VARS1: variants seen among roughly 807,000 people sequenced by gnomAD.
VARS1 encodes the protein valine--tRNA ligase.
A neutral mutation model predicts 161.0 loss-of-function variants in VARS1; 92 were observed. The observed-to-expected ratio is 0.57, with a 90% CI of 0.48 to 0.68. VARS1 has a LOEUF of 0.68. VARS1 is among the 30% of genes least tolerant of loss of function. The probability of loss-of-function intolerance (pLI) is 0.00; values close to 1 mark genes in which losing one functional copy is unlikely to be tolerated. For missense variants in VARS1, 1,338 were observed against 1,695.9 expected (o/e 0.79, Z 3.71); for synonymous variants, 595 against 682.5 (o/e 0.87, Z 2.00).
At chr6:31,783,661 T>TA (rs1346307017) in intron 13 of VARS1, among the ~76,000 whole-genome samples, 5 of 105,606 alleles carry the variant, frequency 4.7e-5, no homozygotes, top group African/African-American at 2.1e-4. Flanking sequence ...TGTCTCTATT[T>TA]AACTTTTTTT....
At chr6:31,783,680 G>A (rs1183585916) in intron 13 of VARS1, among the ~76,000 whole-genome samples, 14 of 57,064 alleles carry the variant, frequency 2.5e-4, no homozygotes, top group Middle Eastern at 8.5e-3. Context: ...TTTTTTTTTT[G>A]AGACGGAGTC....
At position 31,779,565 on chromosome 6, in the gene VARS1, C is replaced by G; in HGVS notation, c.3289-29G>C. On this transcript the variant is annotated intron_variant, in intron 27 of 29. Coordinates refer to ENST00000375663, the MANE Select transcript of VARS1 (RefSeq NM_006295.3). The surrounding 1 kb of genome is among the most constrained non-coding windows in gnomAD (Gnocchi z 9.1). ...TGGGGTGGAGGAGGGGGTGAGGGGG[C>G]CTGGAGGGCAGGTCAGACTCCCCTC... 6.2e-7 allele frequency: 1 copy of G among 1,611,554 alleles called. No individual in the cohort carries two copies. Among genetic ancestry groups the G allele is most frequent in the Non-Finnish European group, 8.5e-7 (1 of 1,179,160 alleles).
intron 2 of VARS1, 36 bp downstream of exon 2, chr6:31,794,795 T>C: frequency 6.6e-7 from 1 of 1,511,008 alleles, no homozygotes; most frequent in Non-Finnish European, 8.9e-7. Context: ...CTCCTCTGAA[T>C]TTCTCCCCTC....
In VARS1 at chr6:31,782,002, AC is replaced by A. The variant is rs1479300188; in HGVS notation, c.2242-51del. Reference sequence around the variant, plus strand: ...AAGGGGGTGTGTCTGCTTCTGGCTCACCCTGCCCCTCCCCCCACCAAGGACC... The same window carrying A: ...AAGGGGGTGTGTCTGCTTCTGGCTCACCTGCCCCTCCCCCCACCAAGGACC... On this transcript the variant is annotated intron_variant, in intron 18 of 29. Transcript: ENST00000375663. This position sits in a 1 kb window ranked among gnomAD's most constrained non-coding sequence, Gnocchi z 8.3. 6.2e-7 allele frequency: 1 copy of A among 1,612,308 alleles called. No homozygotes were observed. Among genetic ancestry groups the A allele is most frequent in the African/African-American group, 1.3e-5 (1 of 74,820 alleles).
chr6:31,794,681 GC>G, intron 2 of VARS1, 149 bp downstream of exon 2: 1 of 1,123,344 alleles, frequency 8.9e-7, no homozygotes. Context: ...TATGAAACGT[GC>G]CCAGGGTTAC....
intron 8 of VARS1, among the ~76,000 whole-genome samples, chr6:31,787,560 G>A (rs913408843): frequency 2.0e-5 from 3 of 151,930 alleles, no homozygotes; most frequent in African/African-American, 4.8e-5. Flanking sequence ...CACAAGAATC[G>A]CTTGAACCCA....
Position 31,792,385 on chromosome 6 carries a change from GC to G in VARS1, c.786+6del. 6.2e-7 allele frequency: 1 copy of G among 1,613,718 alleles called. No individual in the cohort carries two copies. Among genetic ancestry groups the G allele is most frequent in the Non-Finnish European group, 8.5e-7 (1 of 1,179,946 alleles). On this transcript the variant is annotated splice_donor_region_variant and intron_variant, in intron 5 of 29. Coordinates refer to ENST00000375663, the MANE Select transcript of VARS1 (RefSeq NM_006295.3). ...CAACTTTCCTTCCAGCTCCACCCTC[GC>G]CTCACCTCCCCTGGAGGTGGCTGCT... is the stretch of plus-strand genomic sequence containing the variant.
At chr6:31,793,189 A>T in intron 2 of VARS1, 69 bp from the exon 3 acceptor site, 1 of 1,519,214 alleles carries the variant, frequency 6.6e-7, no homozygotes, top group Non-Finnish European at 8.7e-7. Context: ...AACCCAATCC[A>T]TGTGGCCTCC....
At position 31,778,688 on chromosome 6, in the gene VARS1, T is replaced by C; in HGVS notation, c.3726+279A>G. On this transcript the variant is annotated intron_variant, in intron 29 of 29. Transcript: ENST00000375663. This position sits in a 1 kb window ranked among gnomAD's most constrained non-coding sequence, Gnocchi z 5.1. ...CTATGGCCAGCTAATTTTTGTATTTTTGTTGTAGAGATGGGATTTCACCAT... is the reference window on the plus strand; with the variant it reads ...CTATGGCCAGCTAATTTTTGTATTTCTGTTGTAGAGATGGGATTTCACCAT... 1.9e-6 allele frequency: 1 copy of C among 521,100 alleles called. No individual in the cohort carries two copies. Among genetic ancestry groups the C allele is most frequent in the Non-Finnish European group, 3.4e-6 (1 of 294,348 alleles). 32.3% of individuals were successfully genotyped at this position (521,100 alleles called of 1,614,324 possible).
At chr6:31,793,207 CCA>C in intron 2 of VARS1, 87 bp from the exon 3 acceptor site, 1 of 1,480,796 alleles carries the variant, frequency 6.8e-7, no homozygotes, top group East Asian at 2.3e-5. Context: ...TCCCTCCACC[CCA>C]CTCTCACAAA....
chr6:31,785,484 C>T lies in VARS1; in HGVS notation c.1265+85G>A. 6.6e-7 allele frequency: 1 copy of T among 1,525,696 alleles called. No individual in the cohort carries two copies. 94.5% of individuals were successfully genotyped at this position (1,525,696 alleles called of 1,614,324 possible). On this transcript the variant is annotated intron_variant, in intron 9 of 29. Coordinates refer to ENST00000375663, the MANE Select transcript of VARS1 (RefSeq NM_006295.3). This position sits in a 1 kb window ranked among gnomAD's most constrained non-coding sequence, Gnocchi z 6.1. ...TCTGTGGGAGGGTCTGACCCTGTGG[C>T]CAAGGGGTTACAGGTGACAGAGGTC...
At position 31,784,402 on chromosome 6, in the gene VARS1, T is replaced by C. The variant is rs1207222367; in HGVS notation, c.1568A>G (p.Gln523Arg). ...GVLVSFAYKV[Q>R]GSDSDEEVVV... ...GTGCCCCTGGCTCCTACCTGAGCCT[T>C]GGACCTTATAGGCAAAGGACACGAG... The change falls in exon 12 of 30, where the codon CAA (glutamine) becomes CGA (arginine). Residue 523 changes from glutamine (Q) to arginine (R), a missense_variant. By Grantham distance (43) the Gln-to-Arg change is conservative. Transcript: ENST00000375663. The surrounding 1 kb of genome is among the most constrained non-coding windows in gnomAD (Gnocchi z 6.1). The C allele has an allele frequency of 3.7e-6, 6 of 1,614,038 alleles. No homozygotes were observed. The highest frequency in any genetic ancestry group is 5.1e-6 in the Non-Finnish European group (6 of 1,180,048).
rs749558903 is a variant in VARS1, at chr6:31,784,732, G to A, written c.1348-18C>T. 5 of 1,612,740 alleles carry A rather than the reference G, an allele frequency of 3.1e-6. No individual in the cohort carries two copies. In the African/African-American group the frequency reaches 5.3e-5, roughly 17 times the overall value. On this transcript the variant is annotated intron_variant, in intron 10 of 29. Coordinates refer to ENST00000375663, the MANE Select transcript of VARS1 (RefSeq NM_006295.3). This position sits in a 1 kb window ranked among gnomAD's most constrained non-coding sequence, Gnocchi z 6.1. ...GAGAGTTTCTGGGGTGGAGGAGGGA[G>A]AAGTCAGAGAGATGGGCCTTGTGCC...
chr6:31,781,265 A>T lies in VARS1; in HGVS notation c.2545-142T>A. The T allele has an allele frequency of 8.5e-7, 1 of 1,178,416 alleles. No individual in the cohort carries two copies. The highest frequency in any genetic ancestry group is 1.2e-6 in the Non-Finnish European group (1 of 833,828). 73.0% of individuals were successfully genotyped at this position (1,178,416 alleles called of 1,614,324 possible). On this transcript the variant is annotated intron_variant, in intron 21 of 29. Transcript: ENST00000375663. The surrounding 1 kb of genome is among the most constrained non-coding windows in gnomAD (Gnocchi z 6.8). ...CCCCAAGAGCTCGTTGAGCGCCTTT[A>T]TGTGAATCAGAAGCACTCCTTCCTC... is the stretch of plus-strand genomic sequence containing the variant.
intron 13 of VARS1, among the ~76,000 whole-genome samples, chr6:31,783,672 T>TC (rs1455878302): frequency 3.3e-5 from 5 of 151,042 alleles, no homozygotes; most frequent in African/African-American, 1.2e-4. Context: ...AACTTTTTTT[T>TC]TTTTTTTGAG....
At position 31,779,386 on chromosome 6, in the gene VARS1, G is replaced by A. The variant is rs1482414077; in HGVS notation, c.3400+39C>T. 6.2e-7 allele frequency: 1 copy of A among 1,606,928 alleles called. No individual in the cohort carries two copies. The highest frequency in any genetic ancestry group is 1.7e-5 in the Admixed American group (1 of 59,986). ...ACTGGGTCCCAGAGTAGGCTGAGGG[G>A]ACAGTGGGATGGGGCGGACATGGGG... On this transcript the variant is annotated intron_variant, in intron 28 of 29. Transcript: ENST00000375663. The surrounding 1 kb of genome is among the most constrained non-coding windows in gnomAD (Gnocchi z 9.1).
rs998496319 is a variant in VARS1, at chr6:31,784,856, C to T, written c.1348-142G>A. 8 of 1,268,518 alleles carry T rather than the reference C, an allele frequency of 6.3e-6. No individual in the cohort carries two copies. The highest frequency in any genetic ancestry group is 6.0e-5 in the African/African-American group (4 of 66,610). 78.6% of individuals were successfully genotyped at this position (1,268,518 alleles called of 1,614,324 possible). A position where few individuals can be genotyped will look rare whatever the true frequency, so the allele number is the denominator to read the frequency against. On this transcript the variant is annotated intron_variant, in intron 10 of 29. Transcript: ENST00000375663. This position sits in a 1 kb window ranked among gnomAD's most constrained non-coding sequence, Gnocchi z 6.1. The stretch of plus-strand genomic sequence containing the variant: ...CCCCTCTGAGGGGAGTACTTTCCTT[C>T]TTTCCTTGAGGGGGAGAGAGGACTA...
rs1267795744 is a variant in VARS1 at position 31,779,253 on chromosome 6, G to A, written c.3440C>T (p.Ala1147Val). Residue 1147 changes from alanine (A) to valine (V), a missense_variant, in exon 29 of 30, where the codon GCA (alanine) becomes GTA (valine). Coordinates refer to ENST00000375663, the MANE Select transcript of VARS1 (RefSeq NM_006295.3). The surrounding 1 kb of genome is among the most constrained non-coding windows in gnomAD (Gnocchi z 9.1). Reference sequence around the variant, plus strand: ...CTGCACGTAGCCCGACACCGCCGATGCCAGGGCGCCCGTGGCCTCATCCGC... The same window carrying A: ...CTGCACGTAGCCCGACACCGCCGATACCAGGGCGCCCGTGGCCTCATCCGC... The part of the protein sequence containing the change: ...EVADEATGAL[A>V]SAVSGYVQAL... The A allele has an allele frequency of 3.1e-6, 5 of 1,604,754 alleles. No individual in the cohort carries two copies. Among genetic ancestry groups the A allele is most frequent in the African/African-American group, 1.3e-5 (1 of 75,054 alleles).
Position 31,785,631 on chromosome 6 carries a change from T to C in VARS1, c.1203A>G (p.Gly401=), listed in dbSNP as rs1562303833. ...CGCGGCCCAGCTGGTGCCGGCTCAG[T>C]CCCTGCTCACGCCATAGCTTCTTCT... is the stretch of plus-strand genomic sequence containing the variant. ...VVEKKLWREQ[G]LSRHQLGREA... is the part of the protein sequence containing the mutation. The change falls in exon 9 of 30, where the codon GGA becomes GGG. Residue 401 remains glycine (G), a synonymous_variant. Coordinates refer to ENST00000375663, the MANE Select transcript of VARS1 (RefSeq NM_006295.3). The surrounding 1 kb of genome is among the most constrained non-coding windows in gnomAD (Gnocchi z 6.1). 5 of 1,612,870 alleles carry C rather than the reference T, an allele frequency of 3.1e-6. No individual in the cohort carries two copies. The highest frequency in any genetic ancestry group is 4.2e-6 in the Non-Finnish European group (5 of 1,180,024).
Sources: allele counts gnomAD v4.1 joint callset (sites outside exome capture counted in the v4.1 genomes callset), GRCh38; gene constraint gnomAD v4.1.1; non-coding constraint Gnocchi (gnomAD v3.1); transcripts MANE v1.5; gene names NCBI Gene and HGNC (gene_info 2026-07-23, HGNC 2026-07-21).